CACNB2: variants seen among roughly 807,000 people sequenced by gnomAD.
CACNB2 encodes voltage-dependent L-type calcium channel subunit beta-2.
Under a neutral mutation model 73.3 loss-of-function variants are expected in CACNB2, and 42 were observed. That is an observed-to-expected ratio of 0.57 (90% CI 0.45 to 0.74). CACNB2 has a LOEUF of 0.74. Ranked by LOEUF, CACNB2 falls within the 30% of genes least tolerant of loss-of-function variation. The pLI is 0.00. For synonymous variants in CACNB2, 348 were observed against 310.3 expected, an observed-to-expected ratio of 1.12 and a Z score of -1.28; for missense variants, 940 against 853.0, an observed-to-expected ratio of 1.10 and a Z score of -1.27.
intron 9 of CACNB2, among the ~76,000 whole-genome samples, chr10:18,525,662 C>G (rs148396601): frequency 1.3e-5 from 2 of 152,076 alleles, no homozygotes; most frequent in Non-Finnish European, 2.9e-5. Context: ...TTCAGAAAAT[C>G]AGATCCTTAA....
At chr10:18,459,057 A>G (rs1175699127) in intron 3 of CACNB2, among the ~76,000 whole-genome samples, 5 of 152,098 alleles carry the variant, frequency 3.3e-5, no homozygotes, top group African/African-American at 1.2e-4. Context: ...GAGCCACTGC[A>G]CCTGGCCCAA....
intron 2 of CACNB2, among the ~76,000 whole-genome samples, chr10:18,375,874 A>T (rs111304316): frequency 2.0e-5 from 3 of 152,354 alleles, no homozygotes; most frequent in Admixed American, 6.5e-5. Context: ...CAGTTGAGGT[A>T]ACTGGATTTA....
chr10:18,248,294 A>T (rs887363585), intron 2 of CACNB2, among the ~76,000 whole-genome samples: 3 of 152,350 alleles, frequency 2.0e-5, no homozygotes, highest in Non-Finnish European at 4.4e-5. Context: ...TTCAAAAATT[A>T]AAAATTCGTA....
At chr10:18,368,814 A>G (rs899342470) in intron 2 of CACNB2, among the ~76,000 whole-genome samples, 1 of 152,186 alleles carries the variant, frequency 6.6e-6, no homozygotes, top group African/African-American at 2.4e-5. Context: ...ACATAATTTC[A>G]GAAACCATAT....
Position 18,159,796 on chromosome 10 carries a change from G to A in CACNB2, c.213+8821G>A, listed in dbSNP as rs569708686. Among the ~76,000 whole-genome samples, 10 of 152,304 alleles carry A rather than the reference G, an allele frequency of 6.6e-5. No homozygotes were observed. The East Asian group carries it at 1.9e-3, about 29-fold the overall frequency. On this transcript the variant is annotated intron_variant, in intron 2 of 13. Transcript: ENST00000324631. The stretch of plus-strand genomic sequence containing the variant: ...TGTTTAAGGTTGGATAAATCTTTCA[G>A]CCCTTAAATACTGGCCTGTTGCCTT...
chr10:18,366,066 T>C (rs1322516363), intron 2 of CACNB2, among the ~76,000 whole-genome samples: 3 of 152,132 alleles, frequency 2.0e-5, no homozygotes, highest in African/African-American at 7.2e-5. Context: ...TTCATTAGGG[T>C]TCTTTTCCCA....
In CACNB2 at chr10:18,536,340, C is replaced by T; in HGVS notation, c.1302+144C>T. 4 of 590,592 alleles carry T rather than the reference C, an allele frequency of 6.8e-6. 1 individual carries two copies. In the South Asian group the frequency reaches 8.5e-5, roughly 13 times the overall value. The allele number at this position is 590,592 out of a possible 1,614,324, so 36.6% of individuals were successfully genotyped here. A position where few individuals can be genotyped will look rare whatever the true frequency, so the allele number is the denominator to read the frequency against. On this transcript the variant is annotated intron_variant, in intron 12 of 13. Coordinates refer to ENST00000324631, the MANE Select transcript of CACNB2 (RefSeq NM_201596.3). ...GTGGTATGGTCTTAGCTCACTGCAG[C>T]CCTGAACTCCCGGGCTCAAGTGATC...
intron 7 of CACNB2, among the ~76,000 whole-genome samples, chr10:18,516,965 G>A (rs1479191015): frequency 3.9e-5 from 6 of 152,094 alleles, no homozygotes; most frequent in South Asian, 4.1e-4. Context: ...CTGTGACTAC[G>A]GGTAAAATCT....
chr10:18,531,711 G>A (rs1335474931), intron 10 of CACNB2: 4 of 152,108 alleles, frequency 2.6e-5, no homozygotes, highest in African/African-American at 7.2e-5. Context: ...CATTCTAACT[G>A]GTGGGAGATG....
chr10:18,195,184 A>G lies in CACNB2; in HGVS notation c.213+44209A>G, dbSNP rs189578808. ...TTCACTCCAGCTATTTTAGGCAGTCATTAAACAGTTGTTAGCAGTTTAGTA... is the reference window on the plus strand; with the variant it reads ...TTCACTCCAGCTATTTTAGGCAGTCGTTAAACAGTTGTTAGCAGTTTAGTA... On this transcript the variant is annotated intron_variant, in intron 2 of 13. Transcript: ENST00000324631. 1.9e-3 allele frequency among the ~76,000 whole-genome samples: 286 copies of G among 152,330 alleles called. 2 individuals carry two copies. The highest frequency in any genetic ancestry group is 7.2e-3 in the Admixed American group (110 of 15,298).
Position 18,539,622 on chromosome 10 carries a change from T to G in CACNB2, c.1881T>G (p.Arg627=). Residue 627 remains arginine (R), a synonymous_variant, in exon 14 of 14, where the codon CGT becomes CGG. Coordinates refer to ENST00000324631, the MANE Select transcript of CACNB2 (RefSeq NM_201596.3). ...ACGAGTGCAACAAGCAGCGCAGCCG[T>G]CATAAATCCAAGGATCGCTACTGTG... The part of the protein sequence containing the change: ...DHNECNKQRS[R]HKSKDRYCEK... 1.9e-6 allele frequency: 3 copies of G among 1,613,158 alleles called. No individual in the cohort carries two copies. The highest frequency in any genetic ancestry group is 2.5e-6 in the Non-Finnish European group (3 of 1,179,752).
chr10:18,491,863 G>A (rs1410744583), intron 3 of CACNB2, among the ~76,000 whole-genome samples: 3 of 132,492 alleles, frequency 2.3e-5, no homozygotes, highest in African/African-American at 5.6e-5. Context: ...AGCGTTTGAG[G>A]ACTATCAAAG....
At chr10:18,485,553 T>G (rs1290517214) in intron 3 of CACNB2, among the ~76,000 whole-genome samples, 2 of 145,194 alleles carry the variant, frequency 1.4e-5, no homozygotes, top group African/African-American at 5.2e-5. Flanking sequence ...AGTCCCTCTC[T>G]CTCTCTTTTT....
intron 1 of CACNB2, among the ~76,000 whole-genome samples, chr10:18,145,092 T>G (rs2030826940): frequency 6.6e-6 from 1 of 152,212 alleles, no homozygotes; most frequent in Non-Finnish European, 1.5e-5. Flanking sequence ...CCAGTGGGCC[T>G]GTTTGTTTTG....
intron 4 of CACNB2, 81 bp from the exon 5 acceptor site, chr10:18,500,731 C>G (rs1198346310): frequency 1.4e-5 from 19 of 1,397,784 alleles, no homozygotes; most frequent in Non-Finnish European, 1.6e-5. Context: ...TGCCATATTT[C>G]TCTCGACTGA....
At chr10:18,294,063 G>T (rs145600488) in intron 2 of CACNB2, among the ~76,000 whole-genome samples, 1 of 152,318 alleles carries the variant, frequency 6.6e-6, no homozygotes, top group East Asian at 1.9e-4. Flanking sequence ...AGAATAAAAT[G>T]ATTCCCCTTG....
chr10:18,207,573 A>C (rs1007854764), intron 2 of CACNB2, among the ~76,000 whole-genome samples: 7 of 152,260 alleles, frequency 4.6e-5, no homozygotes, highest in Non-Finnish European at 8.8e-5. Context: ...AATATATTGA[A>C]GTTTGTAACA....
intron 2 of CACNB2, among the ~76,000 whole-genome samples, chr10:18,399,798 T>C (rs2043899130): frequency 6.6e-6 from 1 of 152,190 alleles, no homozygotes; most frequent in Non-Finnish European, 1.5e-5. Flanking sequence ...ATTTTGTTTA[T>C]GTCAAGAAAA....
At chr10:18,510,582 C>T (rs1221649596) in intron 6 of CACNB2, among the ~76,000 whole-genome samples, 1 of 152,206 alleles carries the variant, frequency 6.6e-6, no homozygotes, top group Non-Finnish European at 1.5e-5. Flanking sequence ...GGATTACAGG[C>T]ATGAGCCACC....
Sources: gnomAD v4.1 joint callset for allele counts (sites outside exome capture counted in the v4.1 genomes callset) on GRCh38, gnomAD v4.1.1 for gene constraint, MANE v1.5 for transcripts, NCBI Gene and HGNC (gene_info 2026-07-23, HGNC 2026-07-21) for gene names.